Variants in CTNNA2 observed in about 807,000 individuals in gnomAD.
CTNNA2 encodes the protein catenin alpha-2.
CTNNA2 carries 42 observed loss-of-function variants against 101.0 expected under a neutral mutation model. That is an observed-to-expected ratio of 0.42 (90% CI 0.32 to 0.54). The LOEUF is 0.54. CTNNA2 is among the 20% of genes least tolerant of loss of function. The pLI is 0.14. For synonymous variants in CTNNA2, 450 were observed against 456.4 expected (o/e 0.99, Z 0.18); for missense variants, 871 against 1,223.1 (o/e 0.71, Z 4.29).
chr2:79,836,330 A>T (rs934412792), intron 3 of CTNNA2, among the ~76,000 whole-genome samples: 8 of 152,214 alleles, frequency 5.3e-5, no homozygotes, highest in African/African-American at 1.9e-4. Context: ...GAATTTTAAT[A>T]GCATTTTCTC....
At chr2:79,960,625 G>T (rs2104528784) in intron 7 of CTNNA2, among the ~76,000 whole-genome samples, 1 of 152,318 alleles carries the variant, frequency 6.6e-6, no homozygotes, top group South Asian at 2.1e-4. Flanking sequence ...ATATGTAAAA[G>T]AACACTGGAG....
chr2:79,686,622 A>C (rs181920671), intron 2 of CTNNA2, among the ~76,000 whole-genome samples: 299 of 152,306 alleles, frequency 2.0e-3, no homozygotes, highest in Non-Finnish European at 2.5e-3. Flanking sequence ...GAGAGGAAGA[A>C]GTAATAAATA....
intron 7 of CTNNA2, among the ~76,000 whole-genome samples, chr2:80,214,907 G>C (rs542716231): frequency 1.3e-5 from 2 of 152,314 alleles, no homozygotes; most frequent in East Asian, 3.9e-4. Context: ...ATCAGACGTA[G>C]ATTTGGTCTT....
intron 2 of CTNNA2, among the ~76,000 whole-genome samples, chr2:79,277,318 G>A (rs1558597253): frequency 6.6e-6 from 1 of 151,952 alleles, no homozygotes; most frequent in Non-Finnish European, 1.5e-5. Flanking sequence ...TTGCCTCTGT[G>A]AATCCACACG....
chr2:80,485,371 C>G (rs1406549857), intron 9 of CTNNA2, among the ~76,000 whole-genome samples: 4 of 152,170 alleles, frequency 2.6e-5, no homozygotes, highest in Non-Finnish European at 4.4e-5. Flanking sequence ...TAACTCCATA[C>G]AGGGTTTCTC....
chr2:79,830,800 G>A (rs1678871008), intron 3 of CTNNA2, among the ~76,000 whole-genome samples: 1 of 152,162 alleles, frequency 6.6e-6, no homozygotes, highest in Non-Finnish European at 1.5e-5. Flanking sequence ...GGTTCAATCC[G>A]ATGCCCGTTT....
chr2:80,108,244 G>A (rs539976070), intron 7 of CTNNA2, among the ~76,000 whole-genome samples: 1 of 152,222 alleles, frequency 6.6e-6, no homozygotes, highest in African/African-American at 2.4e-5. Context: ...TGAGGAAGGT[G>A]GTCTCCACTG....
At chr2:79,804,831 G>A (rs1489692448) in intron 3 of CTNNA2, among the ~76,000 whole-genome samples, 1 of 152,180 alleles carries the variant, frequency 6.6e-6, no homozygotes, top group Non-Finnish European at 1.5e-5. Flanking sequence ...GAGAGAACCA[G>A]TTTTAAAACC....
intron 1 of CTNNA2, among the ~76,000 whole-genome samples, chr2:79,197,573 C>T (rs185806705): frequency 6.6e-6 from 1 of 151,776 alleles, no homozygotes; most frequent in African/African-American, 2.4e-5. Flanking sequence ...ATTCAATCTG[C>T]CTAGCATATT....
At chr2:80,290,020 C>T (rs942210802) in intron 7 of CTNNA2, among the ~76,000 whole-genome samples, 2 of 152,178 alleles carry the variant, frequency 1.3e-5, no homozygotes, top group Non-Finnish European at 2.9e-5. Context: ...TCTCCTCCCA[C>T]TGCCTTAAAT....
At chr2:79,221,945 T>C (rs1674350710) in intron 2 of CTNNA2, among the ~76,000 whole-genome samples, 1 of 152,070 alleles carries the variant, frequency 6.6e-6, no homozygotes, top group Non-Finnish European at 1.5e-5. Flanking sequence ...TGTGGCTATA[T>C]AGTACTACTA....
intron 7 of CTNNA2, among the ~76,000 whole-genome samples, chr2:80,031,997 A>G (rs1035392680): frequency 2.0e-4 from 30 of 152,252 alleles, no homozygotes; most frequent in Admixed American, 6.5e-5. Context: ...GTGACTGTGT[A>G]CAACAGCATT....
At chr2:80,246,908 T>G (rs981727206) in intron 7 of CTNNA2, among the ~76,000 whole-genome samples, 1 of 152,212 alleles carries the variant, frequency 6.6e-6, no homozygotes, top group Non-Finnish European at 1.5e-5. Context: ...AGGCCTATGG[T>G]ACCTTAGTAT....
chr2:80,204,450 A>G (rs1434170829), intron 7 of CTNNA2, among the ~76,000 whole-genome samples: 2 of 152,216 alleles, frequency 1.3e-5, no homozygotes, highest in African/African-American at 2.4e-5. Context: ...AAGTTTCACA[A>G]ATCTCTAGAG....
At chr2:80,595,903 G>A (rs889188247) in intron 15 of CTNNA2, among the ~76,000 whole-genome samples, 17 of 152,122 alleles carry the variant, frequency 1.1e-4, no homozygotes, top group African/African-American at 2.4e-4. Context: ...TGTGAAGAAA[G>A]TCAATGGAAG....
chr2:80,154,226 A>G (rs567074543), intron 7 of CTNNA2, among the ~76,000 whole-genome samples: 20 of 152,116 alleles, frequency 1.3e-4, no homozygotes, highest in African/African-American at 3.9e-4. Context: ...CTTTTTGGCT[A>G]TTAAGCATTT....
intron 7 of CTNNA2, among the ~76,000 whole-genome samples, chr2:80,390,049 A>T (rs753596640): frequency 6.6e-6 from 1 of 152,166 alleles, no homozygotes; most frequent in Non-Finnish European, 1.5e-5. Flanking sequence ...AGTCAAACTG[A>T]TCTCTTCACA....
At chr2:80,342,607 C>A (rs1672341897) in intron 7 of CTNNA2, among the ~76,000 whole-genome samples, 1 of 152,074 alleles carries the variant, frequency 6.6e-6, no homozygotes, top group Non-Finnish European at 1.5e-5. Flanking sequence ...ATGTTTCATG[C>A]ACTGAAATAA....
At chr2:79,363,822 C>T (rs1258017414) in intron 3 of CTNNA2, among the ~76,000 whole-genome samples, 5 of 152,144 alleles carry the variant, frequency 3.3e-5, no homozygotes, top group South Asian at 4.1e-4. Context: ...AAATCAACAC[C>T]GTCCAAGAAG....
Sources: allele counts gnomAD v4.1 joint callset (sites outside exome capture counted in the v4.1 genomes callset), GRCh38; gene constraint gnomAD v4.1.1; transcripts MANE v1.5; gene names NCBI Gene and HGNC (gene_info 2026-07-23, HGNC 2026-07-21).